CACNB2: variants seen among roughly 807,000 people sequenced by gnomAD.
The protein encoded by CACNB2 is voltage-dependent L-type calcium channel subunit beta-2.
A neutral mutation model predicts 73.3 loss-of-function variants in CACNB2; 42 were observed. The observed-to-expected ratio is 0.57, with a 90% CI of 0.45 to 0.74. The LOEUF is 0.74. Among genes scored for constraint, CACNB2 ranks in the 30% least tolerant of loss-of-function variants. CACNB2 has a pLI of 0.00. For missense variants in CACNB2, 940 were observed against 853.0 expected, an observed-to-expected ratio of 1.10 and a Z score of -1.27; for synonymous variants, 348 against 310.3, an observed-to-expected ratio of 1.12 and a Z score of -1.28.
intron 2 of CACNB2, among the ~76,000 whole-genome samples, chr10:18,247,144 G>A (rs1441055258): frequency 6.6e-6 from 1 of 152,062 alleles, no homozygotes; most frequent in African/African-American, 2.4e-5. Context: ...TCCTCTCCTG[G>A]GAATTCCCTG....
chr10:18,188,377 G>A (rs918610680), intron 2 of CACNB2, among the ~76,000 whole-genome samples: 1 of 152,018 alleles, frequency 6.6e-6, no homozygotes, highest in Non-Finnish European at 1.5e-5. Flanking sequence ...TGCAATCATA[G>A]CTCACTGCAG....
chr10:18,191,658 T>G (rs1892009), intron 2 of CACNB2, among the ~76,000 whole-genome samples: 121,989 of 152,090 alleles, frequency 0.8, 49,717 homozygotes, highest in East Asian at 0.89. Flanking sequence ...CCTCATAGCT[T>G]AGCTCCCACA....
intron 3 of CACNB2, among the ~76,000 whole-genome samples, chr10:18,493,211 C>T (rs573699791): frequency 2.0e-5 from 3 of 152,300 alleles, no homozygotes; most frequent in Non-Finnish European, 4.4e-5. Flanking sequence ...CTCTGTTGCC[C>T]AGGCTAGAGT....
intron 3 of CACNB2, among the ~76,000 whole-genome samples, chr10:18,408,348 C>T (rs1433856164): frequency 8.1e-5 from 12 of 148,048 alleles, no homozygotes; most frequent in Non-Finnish European, 1.8e-4. Context: ...AGGCAATTCT[C>T]CTGCCTCAGC....
intron 2 of CACNB2, among the ~76,000 whole-genome samples, chr10:18,216,713 T>C (rs1189520150): frequency 6.6e-6 from 1 of 152,192 alleles, no homozygotes; most frequent in Non-Finnish European, 1.5e-5. Flanking sequence ...CTTCCCATTC[T>C]CTCATAACCC....
intron 2 of CACNB2, among the ~76,000 whole-genome samples, chr10:18,205,053 A>C (rs1349494065): frequency 3.4e-5 from 5 of 145,510 alleles, no homozygotes; most frequent in African/African-American, 1.2e-4. Flanking sequence ...ATACATTTGT[A>C]GATGTCAAGT....
chr10:18,457,096 G>A (rs936261822), intron 3 of CACNB2, among the ~76,000 whole-genome samples: 2 of 113,694 alleles, frequency 1.8e-5, no homozygotes, highest in East Asian at 4.3e-4. Context: ...AGAACTTTGG[G>A]TGTGGGTGTA....
At chr10:18,287,930 G>GCCTA in intron 2 of CACNB2, among the ~76,000 whole-genome samples, 1 of 152,148 alleles carries the variant, frequency 6.6e-6, no homozygotes, top group Non-Finnish European at 1.5e-5. Flanking sequence ...ATTCTCCCTT[G>GCCTA]CCTACTCCAG....
intron 2 of CACNB2, among the ~76,000 whole-genome samples, chr10:18,215,788 C>G (rs1180030427): frequency 6.6e-6 from 1 of 152,114 alleles, no homozygotes; most frequent in Non-Finnish European, 1.5e-5. Flanking sequence ...TTTTCCGCGT[C>G]CCTCCACTGC....
chr10:18,322,044 T>A (rs755971749), intron 2 of CACNB2, among the ~76,000 whole-genome samples: 7 of 152,204 alleles, frequency 4.6e-5, no homozygotes, highest in South Asian at 2.1e-4. Context: ...TGGTCCTAGC[T>A]ACTAAAGTGG....
intron 2 of CACNB2, among the ~76,000 whole-genome samples, chr10:18,314,544 A>G (rs576122107): frequency 1.3e-5 from 2 of 152,218 alleles, no homozygotes; most frequent in South Asian, 4.2e-4. Flanking sequence ...TATTCAGACA[A>G]TTGAAATTCC....
intron 2 of CACNB2, among the ~76,000 whole-genome samples, chr10:18,299,679 C>T (rs2039429167): frequency 6.6e-6 from 1 of 151,976 alleles, no homozygotes; most frequent in African/African-American, 2.4e-5. Flanking sequence ...CCACTGCACT[C>T]CAGACTGGGT....
chr10:18,205,970 T>A (rs1427399511), intron 2 of CACNB2, among the ~76,000 whole-genome samples: 1 of 152,126 alleles, frequency 6.6e-6, no homozygotes, highest in Admixed American at 6.5e-5. Context: ...CCCCAGGCCC[T>A]CTCCATCTAT....
intron 3 of CACNB2, among the ~76,000 whole-genome samples, chr10:18,461,576 G>T (rs573534121): frequency 4.6e-5 from 7 of 151,936 alleles, no homozygotes; most frequent in Non-Finnish European, 1.0e-4. Context: ...GGGGGTGGGA[G>T]ATGGTTTTGG....
At chr10:18,328,606 C>A (rs1294388205) in intron 2 of CACNB2, among the ~76,000 whole-genome samples, 1 of 152,182 alleles carries the variant, frequency 6.6e-6, no homozygotes, top group Non-Finnish European at 1.5e-5. Flanking sequence ...CAATTCACAT[C>A]ATCAAAGACT....
intron 2 of CACNB2, among the ~76,000 whole-genome samples, chr10:18,273,322 G>A (rs2038137153): frequency 6.6e-6 from 1 of 151,818 alleles, no homozygotes; most frequent in East Asian, 1.9e-4. Context: ...AGTGGAGGAC[G>A]AAGAGGATTT....
chr10:18,411,064 A>C (rs2044597870), intron 3 of CACNB2, among the ~76,000 whole-genome samples: 1 of 152,192 alleles, frequency 6.6e-6, no homozygotes, highest in South Asian at 2.1e-4. Context: ...ATTCTTATTA[A>C]AATATTTTAG....
intron 9 of CACNB2, among the ~76,000 whole-genome samples, chr10:18,524,677 T>C (rs61839356): frequency 3.9e-4 from 51 of 130,908 alleles, no homozygotes; most frequent in Non-Finnish European, 6.3e-4. Flanking sequence ...AAAAAAAAAT[T>C]GAGCAAATAA....
chr10:18,313,316 G>C (rs1022174088), intron 2 of CACNB2, among the ~76,000 whole-genome samples: 1 of 147,944 alleles, frequency 6.8e-6, no homozygotes, highest in South Asian at 2.2e-4. Flanking sequence ...TCTCGTTGCC[G>C]TGGAGCCGTC....
Sources: allele counts gnomAD v4.1 joint callset (sites outside exome capture counted in the v4.1 genomes callset), GRCh38; gene constraint gnomAD v4.1.1; transcripts MANE v1.5; gene names NCBI Gene and HGNC (gene_info 2026-07-23, HGNC 2026-07-21).